Variants in MBLAC2 observed in about 807,000 individuals in gnomAD.
MBLAC2 encodes the protein acyl-coenzyme A thioesterase MBLAC2.
In MBLAC2, 24 loss-of-function variants were observed where a neutral mutation model predicts 23.3. That is an observed-to-expected ratio of 1.03 (90% CI 0.75 to 1.45). The LOEUF (loss-of-function observed/expected upper bound fraction) is 1.45. Among genes scored for constraint, MBLAC2 ranks in the 40% most tolerant of loss-of-function variants. The probability of loss-of-function intolerance (pLI) is 0.00; values close to 1 mark genes in which losing one functional copy is unlikely to be tolerated. For synonymous variants in MBLAC2, 162 were observed against 150.9 expected, an observed-to-expected ratio of 1.07 and a Z score of -0.54; for missense variants, 358 against 370.0, an observed-to-expected ratio of 0.97 and a Z score of 0.27.
Position 90,460,634 on chromosome 5 carries a change from A to G in MBLAC2, c.*533T>C, listed in dbSNP as rs1297577325. ...TATGCTATAATTATACAAAGAATAA[A>G]TACATGAAATGAAGCATAAAAAATT... On this transcript the variant is annotated 3_prime_UTR_variant, in exon 2 of 2. Coordinates refer to ENST00000316610, the MANE Select transcript of MBLAC2 (RefSeq NM_203406.2). 6.6e-6 allele frequency: 1 copy of G among 152,628 alleles called. No homozygotes were observed. The highest frequency in any genetic ancestry group is 1.5e-5 in the Non-Finnish European group (1 of 68,078). The allele number at this position is 152,628 out of a possible 1,614,324, so 9.5% of individuals were successfully genotyped here. A position where few individuals can be genotyped will look rare whatever the true frequency, so the allele number is the denominator to read the frequency against.
chr5:90,469,856 C>T (rs183838454), intron 1 of MBLAC2, among the ~76,000 whole-genome samples: 16 of 152,238 alleles, frequency 1.1e-4, no homozygotes, highest in Admixed American at 6.5e-4. Flanking sequence ...AACTACCATA[C>T]GACCTAGCAA....
chr5:90,471,558 G>A (rs1421610305), intron 1 of MBLAC2, among the ~76,000 whole-genome samples: 6 of 152,006 alleles, frequency 3.9e-5, no homozygotes, highest in African/African-American at 1.2e-4. Context: ...TTTACAAGTC[G>A]GCTTTTGGGT....
chr5:90,461,437 G>A lies in MBLAC2; in HGVS notation c.570C>T (p.Val190=), dbSNP rs201078127. The change falls in exon 2 of 2, where the codon GTC becomes GTT. Residue 190 remains valine (V), a synonymous_variant. Transcript: ENST00000316610. ...KDRKILFSGD[V]VYDGSLIDWL... is the part of the protein sequence containing the mutation. ...AGTCAATCAGTGATCCATCATACAC[G>A]ACGTCTCCACTGAAGAGAATCTTTC... 167 of 1,614,092 alleles carry A rather than the reference G, an allele frequency of 1.0e-4. No individual in the cohort carries two copies. The highest frequency in any genetic ancestry group is 7.0e-4 in the Admixed American group (42 of 60,004).
chr5:90,469,959 T>C (rs1202539045), intron 1 of MBLAC2, among the ~76,000 whole-genome samples: 1 of 152,188 alleles, frequency 6.6e-6, no homozygotes, highest in Non-Finnish European at 1.5e-5. Context: ...ATATTCACAA[T>C]AGCCAAGATG....
chr5:90,462,097 T>C (rs1025435403), intron 1 of MBLAC2, among the ~76,000 whole-genome samples: 4 of 152,196 alleles, frequency 2.6e-5, no homozygotes, highest in Non-Finnish European at 4.4e-5. Flanking sequence ...GCTTGAGGAA[T>C]TGATATAAAT....
chr5:90,463,069 T>C (rs1349489264), intron 1 of MBLAC2, among the ~76,000 whole-genome samples: 1 of 152,138 alleles, frequency 6.6e-6, no homozygotes, highest in Admixed American at 6.6e-5. Flanking sequence ...AACAGAAAAT[T>C]GATAACATGT....
chr5:90,460,849 A>G lies in MBLAC2; in HGVS notation c.*318T>C, dbSNP rs2151891017. ...CCTAGGTCATCAAGGGAATAAAACA[A>G]GAAAAACAGAGGCAAGGGCAGTTCT... On this transcript the variant is annotated 3_prime_UTR_variant, in exon 2 of 2. Coordinates refer to ENST00000316610, the MANE Select transcript of MBLAC2 (RefSeq NM_203406.2). 2 of 204,088 alleles carry G rather than the reference A, an allele frequency of 9.8e-6. 1 individual carries two copies. The highest frequency in any genetic ancestry group is 2.7e-4 in the South Asian group (2 of 7,534). The allele number at this position is 204,088 out of a possible 1,614,324, so 12.6% of individuals were successfully genotyped here.
Position 90,459,322 on chromosome 5 carries a change from T to A in MBLAC2, c.*1845A>T, listed in dbSNP as rs1750316960. ...GGTTCATTTGGTGGCATGTGGCAGTTCAGCTTGTCTCCCATTAACAATGAC... is the reference window on the plus strand; with the variant it reads ...GGTTCATTTGGTGGCATGTGGCAGTACAGCTTGTCTCCCATTAACAATGAC... On this transcript the variant is annotated 3_prime_UTR_variant, in exon 2 of 2. Coordinates refer to ENST00000316610, the MANE Select transcript of MBLAC2 (RefSeq NM_203406.2). The A allele has an allele frequency of 6.6e-6, 1 of 152,416 alleles. No individual in the cohort carries two copies. The highest frequency in any genetic ancestry group is 2.4e-5 in the African/African-American group (1 of 41,452). The allele number at this position is 152,416 out of a possible 1,614,324, so 9.4% of individuals were successfully genotyped here. A position where few individuals can be genotyped will look rare whatever the true frequency, so the allele number is the denominator to read the frequency against.
intron 1 of MBLAC2, among the ~76,000 whole-genome samples, chr5:90,470,979 G>A (rs1051863143): frequency 2.0e-5 from 3 of 152,208 alleles, no homozygotes; most frequent in African/African-American, 7.2e-5. Flanking sequence ...TCCCTTTGCC[G>A]CCACTGAGGT....
Position 90,460,989 on chromosome 5 carries a change from G to A in MBLAC2, c.*178C>T, listed in dbSNP as rs1176870564. The A allele has an allele frequency of 2.1e-5, 12 of 559,500 alleles. No individual in the cohort carries two copies. Among genetic ancestry groups the A allele is most frequent in the Non-Finnish European group, 2.9e-5 (10 of 339,084 alleles). 34.7% of individuals were successfully genotyped at this position (559,500 alleles called of 1,614,324 possible). On this transcript the variant is annotated 3_prime_UTR_variant, in exon 2 of 2. Transcript: ENST00000316610. ...AGCTTATTTAAGTGGCTTCTTTCTT[G>A]GAAGAAAGAAAACAATTTAAACTAA...
At position 90,460,587 on chromosome 5, in the gene MBLAC2, A is replaced by C. The variant is rs1033684274; in HGVS notation, c.*580T>G. On this transcript the variant is annotated 3_prime_UTR_variant, in exon 2 of 2. Transcript: ENST00000316610. ...TAAAGCAAAATTCACTGTACTTTTCATAAGTTATATTACATAACATGTATG... is the reference window on the plus strand; with the variant it reads ...TAAAGCAAAATTCACTGTACTTTTCCTAAGTTATATTACATAACATGTATG... 1 of 152,612 alleles carries C rather than the reference A, an allele frequency of 6.6e-6. No individual in the cohort carries two copies. Among genetic ancestry groups the C allele is most frequent in the Admixed American group, 6.5e-5 (1 of 15,268 alleles). 9.5% of individuals were successfully genotyped at this position (152,612 alleles called of 1,614,324 possible).
At chr5:90,467,921 G>C (rs1158871804) in intron 1 of MBLAC2, among the ~76,000 whole-genome samples, 1 of 152,064 alleles carries the variant, frequency 6.6e-6, no homozygotes, top group African/African-American at 2.4e-5. Flanking sequence ...AATTCCCTCA[G>C]CATTTGTTTG....
At chr5:90,468,308 C>A (rs1032134546) in intron 1 of MBLAC2, among the ~76,000 whole-genome samples, 2 of 152,124 alleles carry the variant, frequency 1.3e-5, no homozygotes, top group Non-Finnish European at 2.9e-5. Flanking sequence ...TTAGATTTAT[C>A]TTCTTCCTTG....
At chr5:90,468,099 T>C (rs749204020) in intron 1 of MBLAC2, among the ~76,000 whole-genome samples, 1 of 152,120 alleles carries the variant, frequency 6.6e-6, no homozygotes, top group Non-Finnish European at 1.5e-5. Context: ...GGTTACATGA[T>C]GCTTTTTTCT....
At position 90,461,413 on chromosome 5, in the gene MBLAC2, G is replaced by A; in HGVS notation, c.594C>T (p.Asp198=). 1 of 1,614,134 alleles carries A rather than the reference G, an allele frequency of 6.2e-7. No individual in the cohort carries two copies. The change falls in exon 2 of 2, where the codon GAC becomes GAT. Residue 198 remains aspartate (D), a synonymous_variant. Transcript: ENST00000316610. ...CACTTATCCTGCTGTATGGGAGCCA[G>A]TCAATCAGTGATCCATCATACACGA... The part of the protein sequence containing the change: ...GDVVYDGSLI[D]WLPYSRISDY...
In MBLAC2 at chr5:90,460,930, A is replaced by G; in HGVS notation, c.*237T>C. 1.0e-5 allele frequency: 4 copies of G among 394,268 alleles called. No individual in the cohort carries two copies. Among genetic ancestry groups the G allele is most frequent in the Non-Finnish European group, 1.8e-5 (4 of 223,008 alleles). The allele number at this position is 394,268 out of a possible 1,614,324, so 24.4% of individuals were successfully genotyped here. A position where few individuals can be genotyped will look rare whatever the true frequency, so the allele number is the denominator to read the frequency against. On this transcript the variant is annotated 3_prime_UTR_variant, in exon 2 of 2. Transcript: ENST00000316610. ...TAAACCTTTATGTCATTTCTAGAGC[A>G]TATATTACAAGATGACAGCTTTGGC... is the stretch of plus-strand genomic sequence containing the variant.
At position 90,474,526 on chromosome 5, in the gene MBLAC2, A is replaced by T; in HGVS notation, c.-234T>A. The T allele has an allele frequency of 1.9e-6, 1 of 537,514 alleles. No homozygotes were observed. Among genetic ancestry groups the T allele is most frequent in the Non-Finnish European group, 3.3e-6 (1 of 304,828 alleles). 33.3% of individuals were successfully genotyped at this position (537,514 alleles called of 1,614,324 possible). ...CTTCCGCCAGGTCGGCAGCAAGCAG[A>T]GGCTGCGCCACCAGCACGGGGGCGC... On this transcript the variant is annotated 5_prime_UTR_variant, in exon 1 of 2. Coordinates refer to ENST00000316610, the MANE Select transcript of MBLAC2 (RefSeq NM_203406.2).
chr5:90,473,972 C>G lies in MBLAC2; in HGVS notation c.321G>C (p.Ala107=). 1 of 1,599,496 alleles carries G rather than the reference C, an allele frequency of 6.3e-7. No homozygotes were observed. The highest frequency in any genetic ancestry group is 8.5e-7 in the Non-Finnish European group (1 of 1,174,040). The change falls in exon 1 of 2, where the codon GCG becomes GCC. Residue 107 remains alanine (A), a synonymous_variant. Coordinates refer to ENST00000316610, the MANE Select transcript of MBLAC2 (RefSeq NM_203406.2). ...RVAVHHAEAE[A]LARGDNFETV... ...TCTCAAAGTTGTCCCCGCGAGCCAG[C>G]GCCTCGGCCTCGGCGTGGTGCACTG... is the stretch of plus-strand genomic sequence containing the variant.
At position 90,461,122 on chromosome 5, in the gene MBLAC2, G is replaced by A. The variant is rs746069450; in HGVS notation, c.*45C>T. ...ATTAATCAGTTAAATAGCACAGAATGAATTAATGTATATAATTAATCAAAA... is the reference window on the plus strand; with the variant it reads ...ATTAATCAGTTAAATAGCACAGAATAAATTAATGTATATAATTAATCAAAA... On this transcript the variant is annotated 3_prime_UTR_variant, in exon 2 of 2. Coordinates refer to ENST00000316610, the MANE Select transcript of MBLAC2 (RefSeq NM_203406.2). 63 of 1,391,414 alleles carry A rather than the reference G, an allele frequency of 4.5e-5. No individual in the cohort carries two copies. The highest frequency in any genetic ancestry group is 1.0e-4 in the Admixed American group (4 of 39,654). The allele number at this position is 1,391,414 out of a possible 1,614,324, so 86.2% of individuals were successfully genotyped here.
Sources: allele counts gnomAD v4.1 joint callset (sites outside exome capture counted in the v4.1 genomes callset), GRCh38; gene constraint gnomAD v4.1.1; transcripts MANE v1.5; gene names NCBI Gene and HGNC (gene_info 2026-07-23, HGNC 2026-07-21).